CAPN6: variants seen among roughly 807,000 people sequenced by gnomAD.
CAPN6 encodes the protein calpain-6.
In CAPN6, 16 loss-of-function variants were observed where a neutral mutation model predicts 46.0. That is an observed-to-expected ratio of 0.35 (90% CI 0.24 to 0.53). CAPN6 has a LOEUF of 0.53. CAPN6 is among the 20% of genes least tolerant of loss of function. CAPN6 has a pLI of 0.94. For synonymous variants in CAPN6, 206 were observed against 172.8 expected (o/e 1.19, Z -1.51); for missense variants, 461 against 498.0 (o/e 0.93, Z 0.71).
intron 2 of CAPN6, among the ~76,000 whole-genome samples, chrX:111,262,874 C>A (rs1343150760): frequency 8.9e-6 from 1 of 112,009 alleles, no homozygotes; most frequent in Admixed American, 9.4e-5. Flanking sequence ...GAAAGACCTA[C>A]AATTCTACTT....
chrX:111,266,215 C>CA, intron 1 of CAPN6, among the ~76,000 whole-genome samples: 1 of 76,784 alleles, frequency 1.3e-5, no homozygotes, highest in Non-Finnish European at 2.2e-5. Flanking sequence ...GCCTGGGCAA[C>CA]AGAGCGAGAC....
At chrX:111,263,329 C>T (rs1260409371) in intron 2 of CAPN6, among the ~76,000 whole-genome samples, 2 of 111,528 alleles carry the variant, frequency 1.8e-5, no homozygotes, top group Non-Finnish European at 3.8e-5. Flanking sequence ...CACAGAACAC[C>T]TTGAATGGAT....
At chrX:111,254,471 C>A in intron 2 of CAPN6, 68 bp from the exon 3 acceptor site, 1 of 840,570 alleles carries the variant, frequency 1.2e-6, no homozygotes, top group Non-Finnish European at 1.7e-6. Context: ...GTGAGCTGAA[C>A]TAGGCAGGAC....
intron 2 of CAPN6, among the ~76,000 whole-genome samples, chrX:111,261,115 G>T: frequency 8.9e-6 from 1 of 112,443 alleles, no homozygotes; most frequent in Non-Finnish European, 1.9e-5. Flanking sequence ...AGAACTGACT[G>T]GAGGGAAGCT....
chrX:111,254,412 A>G lies in CAPN6; in HGVS notation c.166-9T>C. On this transcript the variant is annotated splice_polypyrimidine_tract_variant and intron_variant, in intron 2 of 12. Coordinates refer to ENST00000324068, the MANE Select transcript of CAPN6 (RefSeq NM_014289.4). ...GGGTCATCACAGATGTCCTATGAAT[A>G]CAATAATTGGTTATATGAGAGTCTG... 8.4e-7 allele frequency: 1 copy of G among 1,184,850 alleles called. No individual in the cohort carries two copies. The highest frequency in any genetic ancestry group is 2.3e-4 in the Middle Eastern group (1 of 4,257).
rs1010739438 is a variant in CAPN6, at chrX:111,256,852, C to A, written c.166-2449G>T. Among the ~76,000 whole-genome samples the A allele has an allele frequency of 2.8e-5, 3 of 107,038 alleles. No individual in the cohort carries two copies. The East Asian group carries it at 9.3e-4, about 33-fold the overall frequency. 92.9% of individuals were successfully genotyped at this position (107,038 alleles called of 115,157 possible). A position where few individuals can be genotyped will look rare whatever the true frequency, so the allele number is the denominator to read the frequency against. On this transcript the variant is annotated intron_variant, in intron 2 of 12. Coordinates refer to ENST00000324068, the MANE Select transcript of CAPN6 (RefSeq NM_014289.4). ...AGAGAATGTAAATTTGGGACCCCCC[C>A]CCCCACAACATTCCATTTCCTCTTA...
At chrX:111,250,550 G>C (rs955996637) in intron 8 of CAPN6, among the ~76,000 whole-genome samples, 1 of 111,324 alleles carries the variant, frequency 9.0e-6, no homozygotes, top group African/African-American at 3.3e-5. Context: ...CAGCTGGGCA[G>C]TAAAGAGAAA....
At chrX:111,262,336 A>T (rs1312804599) in intron 2 of CAPN6, among the ~76,000 whole-genome samples, 1 of 112,362 alleles carries the variant, frequency 8.9e-6, no homozygotes, top group African/African-American at 3.2e-5. Flanking sequence ...GTTGCATAGT[A>T]AACAAGTCTT....
In CAPN6 at chrX:111,250,972, A is replaced by C. The variant is rs1277632473; in HGVS notation, c.1103T>G (p.Met368Arg). Residue 368 changes from methionine (M) to arginine (R), a missense_variant, in exon 8 of 13, where the codon ATG becomes AGG. Physicochemically the swap from Met to Arg is moderately conservative, Grantham distance 91. Transcript: ENST00000324068. ...GCWTVDDDPL[M>R]NRSGGCYNNR... ...GTTATAGCAGCCTCCTGAGCGGTTC[A>C]TCAGGGGATCATCATCCACAGTCCA... The C allele has an allele frequency of 8.3e-7, 1 of 1,211,184 alleles. No individual in the cohort carries two copies. The highest frequency in any genetic ancestry group is 2.2e-5 in the Admixed American group (1 of 46,006).
chrX:111,263,787 C>T lies in CAPN6; in HGVS notation c.150G>A (p.Val50=), dbSNP rs137983476. The change falls in exon 2 of 13, where the codon GTG becomes GTA. Residue 50 remains valine, a synonymous_variant. Transcript: ENST00000324068. The part of the protein sequence containing the change: ...FYNRLLPGKV[V]WKRPQDICDD... ...AGAAAGTTACCTGGGGACGTTTCCA[C>T]ACCACCTTTCCAGGAAGCAGTCGGT... 7.1e-5 allele frequency: 86 copies of T among 1,204,965 alleles called. No homozygotes were observed. The African/African-American group carries it at 1.4e-3, about 20-fold the overall frequency.
chrX:111,246,767 G>A lies in CAPN6; in HGVS notation c.1744-8C>T. The A allele has an allele frequency of 8.3e-7, 1 of 1,200,510 alleles. No homozygotes were observed. Among genetic ancestry groups the A allele is most frequent in the Non-Finnish European group, 1.1e-6 (1 of 889,116 alleles). Reference sequence around the variant, plus strand: ...TTTTCGGCTGTTCCAGACCTGGAAAGACAAACGAAGGGAGTGAAGATGAGC... The same window carrying A: ...TTTTCGGCTGTTCCAGACCTGGAAAAACAAACGAAGGGAGTGAAGATGAGC... On this transcript the variant is annotated splice_region_variant and splice_polypyrimidine_tract_variant and intron_variant, in intron 12 of 12. Transcript: ENST00000324068.
intron 1 of CAPN6, among the ~76,000 whole-genome samples, chrX:111,268,434 G>A (rs2094993601): frequency 1.8e-5 from 2 of 112,279 alleles, no homozygotes; most frequent in African/African-American, 6.5e-5. Context: ...AGTGTTATTG[G>A]GAGAATGTAA....
intron 2 of CAPN6, 106 bp downstream of exon 2, chrX:111,263,666 A>C (rs908145560): frequency 3.6e-6 from 2 of 552,068 alleles, no homozygotes; most frequent in Admixed American, 8.6e-5. Context: ...AGGAAGGTTA[A>C]CTTCTAAATT....
At chrX:111,258,664 C>T (rs767706733) in intron 2 of CAPN6, among the ~76,000 whole-genome samples, 77 of 111,447 alleles carry the variant, frequency 6.9e-4, no homozygotes, top group Middle Eastern at 4.6e-3. Flanking sequence ...TCCTTCCTAA[C>T]CCATCCAAGG....
rs780447292 is a variant in CAPN6, at chrX:111,251,019, C to T, written c.1056G>A (p.Glu352=). Residue 352 remains glutamate (E), a synonymous_variant, in exon 8 of 13, where the codon GAG becomes GAA. Transcript: ENST00000324068. ...TCCAGCATCCCAACACCGATTCCAG[C>T]TCCTTTCGGCCAAAAATAGGGTTGT... is the stretch of plus-strand genomic sequence containing the variant. ...NVNNPIFGRK[E]LESVLGCWTV... is the part of the protein sequence containing the mutation. 1.7e-6 allele frequency: 2 copies of T among 1,209,694 alleles called. No homozygotes were observed. The highest frequency in any genetic ancestry group is 5.9e-5 in the East Asian group (2 of 33,749).
At chrX:111,268,205 A>C (rs1309482485) in intron 1 of CAPN6, among the ~76,000 whole-genome samples, 1 of 111,947 alleles carries the variant, frequency 8.9e-6, no homozygotes, top group Non-Finnish European at 1.9e-5. Flanking sequence ...GAGTCTGTTC[A>C]AAGCCATTCA....
Position 111,245,428 on chromosome X carries a change from G to T in CAPN6, c.*1149C>A, listed in dbSNP as rs2094973544. 1 of 111,234 alleles carries T rather than the reference G, an allele frequency of 9.0e-6. No individual in the cohort carries two copies. The highest frequency in any genetic ancestry group is 9.6e-5 in the Admixed American group (1 of 10,464). The allele number at this position is 111,234 out of a possible 1,213,427, so 9.2% of individuals were successfully genotyped here. On this transcript the variant is annotated 3_prime_UTR_variant, in exon 13 of 13. Coordinates refer to ENST00000324068, the MANE Select transcript of CAPN6 (RefSeq NM_014289.4). ...ACATTTCATAATGACTGACTCTAGA[G>T]AAAATTCTGTAGAAGTACTGAAAAA...
At position 111,261,167 on chromosome X, in the gene CAPN6, A is replaced by G. The variant is rs746962900; in HGVS notation, c.165+2605T>C. Among the ~76,000 whole-genome samples the G allele has an allele frequency of 7.1e-5, 8 of 112,648 alleles. No individual in the cohort carries two copies. In the East Asian group the frequency reaches 8.4e-4, roughly 12 times the overall value. Reference sequence around the variant, plus strand: ...ACAGGGGACACAAACAACTAACTCTATCTATCTCCCTGATATGACAGCATG... The same window carrying G: ...ACAGGGGACACAAACAACTAACTCTGTCTATCTCCCTGATATGACAGCATG... On this transcript the variant is annotated intron_variant, in intron 2 of 12. Coordinates refer to ENST00000324068, the MANE Select transcript of CAPN6 (RefSeq NM_014289.4).
intron 3 of CAPN6, among the ~76,000 whole-genome samples, chrX:111,253,677 A>G (rs2094981497): frequency 8.9e-6 from 1 of 112,515 alleles, no homozygotes; most frequent in South Asian, 3.7e-4. Flanking sequence ...TTTCATTTGC[A>G]TTTTGAATAA....
Sources: gnomAD v4.1 joint callset for allele counts (sites outside exome capture counted in the v4.1 genomes callset) on GRCh38, gnomAD v4.1.1 for gene constraint, MANE v1.5 for transcripts, NCBI Gene and HGNC (gene_info 2026-07-23, HGNC 2026-07-21) for gene names.